Variants in GLRA1 observed in about 807,000 individuals in gnomAD.
GLRA1 encodes the protein glycine receptor alpha 1.
GLRA1 carries 37 observed loss-of-function variants against 48.3 expected under a neutral mutation model. That is an observed-to-expected ratio of 0.77 (90% confidence interval 0.59 to 1.01). The LOEUF is 1.01. Among genes scored for constraint, GLRA1 ranks in the 50% least tolerant of loss-of-function variants. The probability of loss-of-function intolerance (pLI) is 0.00; values close to 1 mark genes in which losing one functional copy is unlikely to be tolerated. For missense variants in GLRA1, 427 were observed against 571.0 expected, an observed-to-expected ratio of 0.75 and a Z score of 2.57; for synonymous variants, 196 against 210.7, an observed-to-expected ratio of 0.93 and a Z score of 0.60.
At chr5:151,825,489 C>T (rs1236875886) in intron 8 of GLRA1, among the ~76,000 whole-genome samples, 1 of 152,062 alleles carries the variant, frequency 6.6e-6, no homozygotes, top group Non-Finnish European at 1.5e-5. Flanking sequence ...CATATTGTGT[C>T]TGGGAGAAAA....
intron 4 of GLRA1, among the ~76,000 whole-genome samples, chr5:151,857,052 C>A (rs771115786): frequency 6.6e-6 from 1 of 152,182 alleles, no homozygotes; most frequent in Non-Finnish European, 1.5e-5. Context: ...CAGGCTCTGT[C>A]CTCCAGGCTC....
At chr5:151,879,222 T>G (rs1753700416) in intron 3 of GLRA1, among the ~76,000 whole-genome samples, 1 of 152,234 alleles carries the variant, frequency 6.6e-6, no homozygotes. Context: ...GATTTCAGAC[T>G]CGCATGGGGC....
chr5:151,898,015 A>G (rs1754265233), intron 1 of GLRA1, among the ~76,000 whole-genome samples: 1 of 152,150 alleles, frequency 6.6e-6, no homozygotes, highest in Admixed American at 6.5e-5. Context: ...AATGACAGAG[A>G]CCATGCAAAG....
At chr5:151,887,578 A>G (rs1055056888) in intron 2 of GLRA1, among the ~76,000 whole-genome samples, 15 of 152,326 alleles carry the variant, frequency 9.8e-5, no homozygotes, top group Middle Eastern at 6.8e-3. Context: ...ACAGAGGCTC[A>G]GAGAAGCTAT....
chr5:151,902,922 G>A (rs1754398434), intron 1 of GLRA1, among the ~76,000 whole-genome samples: 1 of 152,150 alleles, frequency 6.6e-6, no homozygotes, highest in African/African-American at 2.4e-5. Flanking sequence ...CTATATTAAT[G>A]ATGAATGTGC....
Position 151,872,902 on chromosome 5 carries a change from C to G in GLRA1, c.253-12894G>C, listed in dbSNP as rs898267244. Among the ~76,000 whole-genome samples, 10 of 149,500 alleles carry G rather than the reference C, an allele frequency of 6.7e-5. 1 individual carries two copies. The highest frequency in any genetic ancestry group is 2.3e-4 in the African/African-American group (9 of 38,898). ...GAAAAAGCAAATTGTATTGCACAAT[C>G]CTACTTATATAAAGACATGTATATG... On this transcript the variant is annotated intron_variant, in intron 3 of 8. Coordinates refer to ENST00000274576, the MANE Select transcript of GLRA1 (RefSeq NM_000171.4).
chr5:151,843,445 T>C (rs1034503004), intron 7 of GLRA1, among the ~76,000 whole-genome samples: 10 of 152,012 alleles, frequency 6.6e-5, no homozygotes, highest in African/African-American at 1.9e-4. Context: ...GTATTTTTAG[T>C]AGAGACGAGG....
intron 2 of GLRA1, among the ~76,000 whole-genome samples, chr5:151,891,617 C>G (rs1462014816): frequency 6.6e-6 from 1 of 152,154 alleles, no homozygotes; most frequent in Non-Finnish European, 1.5e-5. Context: ...CTACCACTCC[C>G]TACTGTCTTA....
chr5:151,849,066 ATTTCTTTCTTTCT>A, intron 7 of GLRA1: 1 of 416,374 alleles, frequency 2.4e-6, no homozygotes, highest in Non-Finnish European at 4.5e-6. Context: ...CCTGAGTGGG[ATTTCTTTCTTTCT>A]TTTCTTTCCT....
At chr5:151,923,592 A>G (rs780221821) in intron 1 of GLRA1, among the ~76,000 whole-genome samples, 1 of 152,226 alleles carries the variant, frequency 6.6e-6, no homozygotes, top group African/African-American at 2.4e-5. Context: ...CTAAAGGACT[A>G]TCTATTTCAA....
chr5:151,897,793 T>G (rs755368883), intron 1 of GLRA1, among the ~76,000 whole-genome samples: 1 of 152,198 alleles, frequency 6.6e-6, no homozygotes, highest in Non-Finnish European at 1.5e-5. Context: ...TATTTTAGTT[T>G]CTTTGTGAGT....
intron 1 of GLRA1, among the ~76,000 whole-genome samples, chr5:151,903,520 T>G (rs1211282576): frequency 1.3e-5 from 2 of 152,210 alleles, no homozygotes; most frequent in African/African-American, 4.8e-5. Context: ...GTGGAACTTC[T>G]TTGTTTCACT....
chr5:151,902,918 T>G (rs2113438892), intron 1 of GLRA1, among the ~76,000 whole-genome samples: 1 of 152,340 alleles, frequency 6.6e-6, no homozygotes, highest in South Asian at 2.1e-4. Flanking sequence ...TTAACTATAT[T>G]AATGATGAAT....
rs375546011 is a variant in GLRA1 at position 151,849,153 on chromosome 5, T to TTTCTTTCTTTCCTTC, written c.912+2236_912+2237insGAAGGAAAGAAAGAA. 103 of 76,236 alleles carry TTTCTTTCTTTCCTTC rather than the reference T, an allele frequency of 1.4e-3. 4 individuals carry two copies. Among genetic ancestry groups the TTTCTTTCTTTCCTTC allele is most frequent in the African/African-American group, 7.5e-3 (99 of 13,216 alleles). The allele number at this position is 76,236 out of a possible 1,614,324, so 4.7% of individuals were successfully genotyped here. On this transcript the variant is annotated intron_variant, in intron 7 of 8. Transcript: ENST00000274576. ...CTTTCTTTCTTTCTTTCTTTCTTTC[T>TTTCTTTCTTTCCTTC]TTTCTTTTCTTTTCTTTCTTTCTTT...
chr5:151,855,135 T>G lies in GLRA1; in HGVS notation c.602A>C (p.Gln201Pro). The change falls in exon 6 of 9, where the codon CAG (glutamine) becomes CCG (proline). Residue 201 changes from glutamine to proline, a missense_variant. This residue lies in a region of GLRA1 where 271 missense variants were observed against 434.9 expected (regional missense o/e 0.62). Coordinates refer to ENST00000274576, the MANE Select transcript of GLRA1 (RefSeq NM_000171.4). ...MNDLIFEWQE[Q>P]GAVQVADGLT... ...TCCATCTGCTACCTGCACGGCTCCC[T>G]GTTCCTGCCACTCAAAGATGAGGTC... is the stretch of plus-strand genomic sequence containing the variant. 2 of 1,613,954 alleles carry G rather than the reference T, an allele frequency of 1.2e-6. No individual in the cohort carries two copies. The highest frequency in any genetic ancestry group is 4.5e-5 in the East Asian group (2 of 44,872).
rs757026949 is a variant in GLRA1 at position 151,924,545 on chromosome 5, T to C, written c.5A>G (p.Tyr2Cys). The C allele has an allele frequency of 6.2e-7, 1 of 1,601,014 alleles. No individual in the cohort carries two copies. The highest frequency in any genetic ancestry group is 1.1e-5 in the South Asian group (1 of 90,822). ...GTAGAGTCGAAGAGTATTGAAGCTG[T>C]ACATTTTTCAGGTCCTTGTGCTTTG... The part of the protein sequence containing the change: M[Y>C]SFNTLRLYLW... Residue 2 changes from tyrosine to cysteine, a missense_variant, in exon 1 of 9, where the codon TAC becomes TGC. Tyr to Cys is a radical substitution (Grantham distance 194). Transcript: ENST00000274576.
At chr5:151,876,880 G>T (rs1267275306) in intron 3 of GLRA1, among the ~76,000 whole-genome samples, 1 of 152,144 alleles carries the variant, frequency 6.6e-6, no homozygotes, top group African/African-American at 2.4e-5. Context: ...TGAGGGTGGG[G>T]CCCTAATTCA....
In GLRA1 at chr5:151,850,594, C is replaced by G. The variant is rs1752873900; in HGVS notation, c.912+796G>C. 3.7e-5 allele frequency: 54 copies of G among 1,469,846 alleles called. No homozygotes were observed. The South Asian group carries it at 5.7e-4, about 15-fold the overall frequency. 91.1% of individuals were successfully genotyped at this position (1,469,846 alleles called of 1,614,324 possible). A position where few individuals can be genotyped will look rare whatever the true frequency, so the allele number is the denominator to read the frequency against. Reference sequence around the variant, plus strand: ...ACCTAGCTGGATTCCATGAAACCTCCAACATCAACGACTTTTCTGCTGGTG... The same window carrying G: ...ACCTAGCTGGATTCCATGAAACCTCGAACATCAACGACTTTTCTGCTGGTG... On this transcript the variant is annotated intron_variant, in intron 7 of 8. Transcript: ENST00000274576.
In GLRA1 at chr5:151,832,342, G is replaced by A. The variant is rs556570644; in HGVS notation, c.913-3275C>T. On this transcript the variant is annotated intron_variant, in intron 7 of 8. Coordinates refer to ENST00000274576, the MANE Select transcript of GLRA1 (RefSeq NM_000171.4). Reference sequence around the variant, plus strand: ...AGTAGGCTTCAGAAGGTGGGGAATAGCAAACTCCTCCAAGCTAAAGGAGCA... The same window carrying A: ...AGTAGGCTTCAGAAGGTGGGGAATAACAAACTCCTCCAAGCTAAAGGAGCA... 2.6e-4 allele frequency among the ~76,000 whole-genome samples: 40 copies of A among 152,246 alleles called. No individual in the cohort carries two copies. The East Asian group carries it at 7.5e-3, about 29-fold the overall frequency.
Sources: allele counts gnomAD v4.1 joint callset (sites outside exome capture counted in the v4.1 genomes callset), GRCh38; gene constraint gnomAD v4.1.1; regional missense constraint gnomAD v4.1.1; transcripts MANE v1.5; gene names NCBI Gene and HGNC (gene_info 2026-07-23, HGNC 2026-07-21).